Variants in SCAPER observed in about 807,000 individuals in gnomAD.
SCAPER encodes the protein S phase cyclin A-associated protein in the endoplasmic reticulum.
SCAPER carries 98 observed loss-of-function variants against 182.2 expected under a neutral mutation model. The ratio of observed to expected loss-of-function variants is 0.54; its 90% CI spans 0.46 to 0.64. SCAPER has a LOEUF of 0.64. SCAPER is among the 30% of genes least tolerant of loss of function. The pLI is 0.00. For missense variants in SCAPER, 1,432 were observed against 1,690.0 expected, an observed-to-expected ratio of 0.85 and a Z score of 2.68; for synonymous variants, 605 against 564.6, an observed-to-expected ratio of 1.07 and a Z score of -1.01.
Position 76,507,515 on chromosome 15 carries a change from G to GT in SCAPER, c.2839-2542dup, listed in dbSNP as rs368585135. 7.7e-3 allele frequency among the ~76,000 whole-genome samples: 1,167 copies of GT among 151,920 alleles called. 8 individuals carry two copies. The highest frequency in any genetic ancestry group is 0.024 in the Middle Eastern group (7 of 294). Reference sequence around the variant, plus strand: ...AGCCTTGAAACGCTGAAATACTGAGGTTTTTTTTGAAAAGGGAGTAGGGAG... The same window carrying GT: ...AGCCTTGAAACGCTGAAATACTGAGGTTTTTTTTTGAAAAGGGAGTAGGGAG... On this transcript the variant is annotated intron_variant, in intron 23 of 31. Transcript: ENST00000563290.
At position 76,429,901 on chromosome 15, in the gene SCAPER, C is replaced by T. The variant is rs192211947; in HGVS notation, c.3311+4177G>A. 3.9e-3 allele frequency among the ~76,000 whole-genome samples: 592 copies of T among 152,248 alleles called. 4 individuals are homozygous for T. The highest frequency in any genetic ancestry group is 5.7e-3 in the Non-Finnish European group (389 of 68,028). ...CATGTCAGAGGTCTTCATGGCAGCC[C>T]CTCCCATCACAGACCTGGAGGCCTA... On this transcript the variant is annotated intron_variant, in intron 26 of 31. Coordinates refer to ENST00000563290, the MANE Select transcript of SCAPER (RefSeq NM_020843.4).
At chr15:76,753,465 T>C (rs1298100390) in intron 15 of SCAPER, among the ~76,000 whole-genome samples, 7 of 151,914 alleles carry the variant, frequency 4.6e-5, no homozygotes, top group Non-Finnish European at 8.8e-5. Context: ...TAGAGTTGAA[T>C]GAAGGAATGA....
chr15:76,612,107 G>A (rs185359260), intron 22 of SCAPER, among the ~76,000 whole-genome samples: 83 of 152,268 alleles, frequency 5.5e-4, no homozygotes, highest in African/African-American at 1.9e-3. Flanking sequence ...AATCAGGCAA[G>A]AGAAATAAAT....
At chr15:76,503,912 G>A (rs1292495282) in intron 24 of SCAPER, among the ~76,000 whole-genome samples, 2 of 151,642 alleles carry the variant, frequency 1.3e-5, no homozygotes, top group Non-Finnish European at 2.9e-5. Context: ...TTGAGACAGG[G>A]TCTTGCTCTG....
chr15:76,714,124 T>C (rs748565691), intron 17 of SCAPER, among the ~76,000 whole-genome samples: 11 of 151,984 alleles, frequency 7.2e-5, no homozygotes, highest in Non-Finnish European at 1.2e-4. Flanking sequence ...GAGTAAAAGA[T>C]GACAGACAAG....
In SCAPER at chr15:76,559,201, ATTTTTTTT is replaced by A. The variant is rs58642207; in HGVS notation, c.2838+14949_2838+14956del. The stretch of plus-strand genomic sequence containing the variant: ...AGGCACCCACCACCACACCCAGCTA[ATTTTTTTT>A]TTTTTTTTTTTTTTTTTGGTATTTT... On this transcript the variant is annotated intron_variant, in intron 23 of 31. Transcript: ENST00000563290. Among the ~76,000 whole-genome samples the A allele has an allele frequency of 1.9e-4, 23 of 121,820 alleles. 1 individual carries two copies. Among genetic ancestry groups the A allele is most frequent in the African/African-American group, 6.7e-4 (18 of 26,710 alleles). 79.9% of individuals were successfully genotyped at this position (121,820 alleles called of 152,430 possible).
rs1020474982 is a variant in SCAPER, at chr15:76,538,000, T to G, written c.2839-33026A>C. Reference sequence around the variant, plus strand: ...TCACTGGCCATCAGAGAAATGCAAATCAAAACCACAATGAGATACCATCTC... The same window carrying G: ...TCACTGGCCATCAGAGAAATGCAAAGCAAAACCACAATGAGATACCATCTC... On this transcript the variant is annotated intron_variant, in intron 23 of 31. Coordinates refer to ENST00000563290, the MANE Select transcript of SCAPER (RefSeq NM_020843.4). 7.7e-4 allele frequency among the ~76,000 whole-genome samples: 116 copies of G among 151,478 alleles called. 4 individuals carry two copies. Among genetic ancestry groups the G allele is most frequent in the Admixed American group, 2.9e-3 (44 of 15,202 alleles).
intron 25 of SCAPER, among the ~76,000 whole-genome samples, chr15:76,454,162 GT>G (rs1233245934): frequency 6.6e-6 from 1 of 151,156 alleles, no homozygotes; most frequent in Non-Finnish European, 1.5e-5. Flanking sequence ...TGCTAAGGAT[GT>G]TTTTTTTTCT....
At chr15:76,472,441 T>C (rs1229445027) in intron 24 of SCAPER, 2 of 570,730 alleles carry the variant, frequency 3.5e-6, no homozygotes, top group East Asian at 3.5e-5. Context: ...CGAAGTTTTA[T>C]AAAAATGCAA....
intron 23 of SCAPER, among the ~76,000 whole-genome samples, chr15:76,539,340 T>C (rs1004600582): frequency 6.6e-6 from 1 of 152,116 alleles, no homozygotes; most frequent in Non-Finnish European, 1.5e-5. Flanking sequence ...AAGAGAATCA[T>C]TCACAAAGAA....
In SCAPER at chr15:76,517,141, C is replaced by T. The variant is rs772149581; in HGVS notation, c.2839-12167G>A. Among the ~76,000 whole-genome samples the T allele has an allele frequency of 4.6e-5, 7 of 151,982 alleles. No individual in the cohort carries two copies. The East Asian group carries it at 9.7e-4, about 21-fold the overall frequency. On this transcript the variant is annotated intron_variant, in intron 23 of 31. Coordinates refer to ENST00000563290, the MANE Select transcript of SCAPER (RefSeq NM_020843.4). The stretch of plus-strand genomic sequence containing the variant: ...AATCTTGCATGTAACTGCAAGTATG[C>T]GTTTGACTTTTGGGACCCTTATCTC...
intron 3 of SCAPER, 146 bp from the exon 4 acceptor site, chr15:76,858,025 T>C (rs2071554192): frequency 1.0e-5 from 6 of 575,930 alleles, no homozygotes; most frequent in Non-Finnish European, 1.8e-5. Context: ...GAGACCACAG[T>C]ATAGTACAGT....
At chr15:76,498,768 A>G (rs2143651151) in intron 24 of SCAPER, among the ~76,000 whole-genome samples, 1 of 152,324 alleles carries the variant, frequency 6.6e-6, no homozygotes, top group African/African-American at 2.4e-5. Flanking sequence ...ATTGCCAAGT[A>G]AAGTCACAAG....
chr15:76,411,496 G>A (rs770215504), intron 26 of SCAPER, among the ~76,000 whole-genome samples: 1 of 152,074 alleles, frequency 6.6e-6, no homozygotes, highest in Non-Finnish European at 1.5e-5. Flanking sequence ...TACTCAACCT[G>A]TATGCTATGA....
intron 24 of SCAPER, among the ~76,000 whole-genome samples, chr15:76,498,154 A>G (rs2143633342): frequency 6.6e-6 from 1 of 152,252 alleles, no homozygotes; most frequent in South Asian, 2.1e-4. Flanking sequence ...ACAGTAGGCT[A>G]CTACTACTAA....
intron 8 of SCAPER, among the ~76,000 whole-genome samples, chr15:76,776,763 G>A (rs1261399557): frequency 6.6e-6 from 1 of 152,158 alleles, no homozygotes; most frequent in East Asian, 1.9e-4. Flanking sequence ...AAACCGGTAG[G>A]AGGAAAGGAA....
Position 76,852,637 on chromosome 15 carries a change from C to A in SCAPER, c.195+5172G>T, listed in dbSNP as rs369251402. ...ACAGAAATCAAGGAGTTCTTTGAAA[C>A]TAATGAGAACAAAAGATACAACATA... is the stretch of plus-strand genomic sequence containing the variant. On this transcript the variant is annotated intron_variant, in intron 4 of 31. Transcript: ENST00000563290. Among the ~76,000 whole-genome samples, 5 of 152,206 alleles carry A rather than the reference C, an allele frequency of 3.3e-5. No individual in the cohort carries two copies. In the East Asian group the frequency reaches 7.7e-4, roughly 24 times the overall value.
intron 27 of SCAPER, among the ~76,000 whole-genome samples, 179 bp downstream of exon 27, chr15:76,404,345 C>T (rs1382699824): frequency 1.3e-5 from 2 of 151,762 alleles, no homozygotes; most frequent in African/African-American, 4.8e-5. Context: ...GAGTGTGTGG[C>T]CCAGAAAAAT....
chr15:76,542,422 C>T (rs949123037), intron 23 of SCAPER, among the ~76,000 whole-genome samples: 2 of 151,918 alleles, frequency 1.3e-5, no homozygotes, highest in African/African-American at 4.8e-5. Context: ...ACTTGGGAGG[C>T]TGAGGCAGGA....
Sources: allele counts gnomAD v4.1 joint callset (sites outside exome capture counted in the v4.1 genomes callset), GRCh38; gene constraint gnomAD v4.1.1; transcripts MANE v1.5; gene names NCBI Gene and HGNC (gene_info 2026-07-23, HGNC 2026-07-21).